The following DLGAP1 variants were observed in gnomAD, a reference collection of about 807,000 sequenced individuals.
The protein encoded by DLGAP1 is DLG associated protein 1, also known as disks large-associated protein 1.
A neutral mutation model predicts 90.8 loss-of-function variants in DLGAP1; 11 were observed. That is an observed-to-expected ratio of 0.12 (90% CI 0.08 to 0.20). DLGAP1 has a LOEUF of 0.20. DLGAP1 is among the 10% of genes least tolerant of loss of function. DLGAP1 has a pLI of 1.00. For synonymous variants in DLGAP1, 558 were observed against 540.7 expected (o/e 1.03, Z -0.44); for missense variants, 1,050 against 1,333.8 (o/e 0.79, Z 3.31).
At chr18:3,942,238 C>A (rs996241572) in intron 3 of DLGAP1, among the ~76,000 whole-genome samples, 2 of 152,164 alleles carry the variant, frequency 1.3e-5, no homozygotes, top group Non-Finnish European at 2.9e-5. Flanking sequence ...TGCATGTTTC[C>A]AGTATGTTCC....
rs1320801673 is a variant in DLGAP1 at position 3,600,715 on chromosome 18, G to C, written c.1592-18467C>G. On this transcript the variant is annotated intron_variant, in intron 7 of 12. Transcript: ENST00000315677. ...CTATATAGATATCTATAGCTATATA[G>C]ATATAGAGATATAGATATATATAGA... is the stretch of plus-strand genomic sequence containing the variant. Among the ~76,000 whole-genome samples, 4 of 64,434 alleles carry C rather than the reference G, an allele frequency of 6.2e-5. 1 individual carries two copies. The highest frequency in any genetic ancestry group is 1.1e-4 in the Non-Finnish European group (4 of 36,362). 42.3% of individuals were successfully genotyped at this position (64,434 alleles called of 152,430 possible).
chr18:4,432,484 A>T (rs1013661126), intron 1 of DLGAP1, among the ~76,000 whole-genome samples: 52 of 42,414 alleles, frequency 1.2e-3, no homozygotes, highest in Admixed American at 3.4e-3. Flanking sequence ...ATTGAAATAA[A>T]TTTTTTTAAA....
At chr18:3,661,640 G>A (rs189492734) in intron 7 of DLGAP1, among the ~76,000 whole-genome samples, 4 of 149,076 alleles carry the variant, frequency 2.7e-5, no homozygotes, top group South Asian at 2.1e-4. Flanking sequence ...GCAGTGGCAC[G>A]GCCTTGGCTC....
At chr18:3,864,827 G>A (rs1282007463) in intron 4 of DLGAP1, among the ~76,000 whole-genome samples, 1 of 152,134 alleles carries the variant, frequency 6.6e-6, no homozygotes, top group Non-Finnish European at 1.5e-5. Context: ...ACCTTGGATA[G>A]TATATGACTC....
At chr18:4,082,342 A>T (rs1237366349) in intron 2 of DLGAP1, among the ~76,000 whole-genome samples, 1 of 25,160 alleles carries the variant, frequency 4.0e-5, no homozygotes, top group Non-Finnish European at 1.1e-4. Flanking sequence ...ACTCCATCTC[A>T]AAAAAAAAAA....
chr18:3,848,109 T>C (rs1208709141), intron 4 of DLGAP1, among the ~76,000 whole-genome samples: 1 of 108,586 alleles, frequency 9.2e-6, no homozygotes, highest in African/African-American at 3.7e-5. Flanking sequence ...GCCTGGATGA[T>C]GGAGCAAGGC....
At chr18:3,670,028 G>C (rs190693759) in intron 7 of DLGAP1, among the ~76,000 whole-genome samples, 16 of 152,300 alleles carry the variant, frequency 1.1e-4, no homozygotes, top group Non-Finnish European at 1.6e-4. Flanking sequence ...GCCACATAGG[G>C]TGTGCGATGG....
intron 7 of DLGAP1, among the ~76,000 whole-genome samples, chr18:3,722,926 T>C (rs372743613): frequency 6.6e-6 from 1 of 152,304 alleles, no homozygotes; most frequent in East Asian, 1.9e-4. Context: ...AAATAATTTG[T>C]AGAGCCGGGC....
At chr18:3,860,098 C>CAAAAAAAAAAAAAAT (rs1169488386) in intron 4 of DLGAP1, among the ~76,000 whole-genome samples, 1 of 104,920 alleles carries the variant, frequency 9.5e-6, no homozygotes, top group African/African-American at 4.1e-5. Context: ...GACTCTGTCT[C>CAAAAAAAAAAAAAAT]AAAAAATAAA....
At chr18:3,614,941 A>C (rs1374389210) in intron 7 of DLGAP1, among the ~76,000 whole-genome samples, 1 of 151,556 alleles carries the variant, frequency 6.6e-6, no homozygotes, top group Non-Finnish European at 1.5e-5. Context: ...TTTATTTTTG[A>C]GATGGAGTCT....
rs1380842875 is a variant in DLGAP1, at chr18:3,660,005, C to T, written c.1591+69130G>A. ...TGTACTTGCGGCTCGCTCCCTCTTGCCTGCTGCCCTAAACTGCCCAATCTT... is the reference window on the plus strand; with the variant it reads ...TGTACTTGCGGCTCGCTCCCTCTTGTCTGCTGCCCTAAACTGCCCAATCTT... On this transcript the variant is annotated intron_variant, in intron 7 of 12. Coordinates refer to ENST00000315677, the MANE Select transcript of DLGAP1 (RefSeq NM_004746.4). The surrounding 1 kb of genome is among the most constrained non-coding windows in gnomAD (Gnocchi z 4.2). Among the ~76,000 whole-genome samples, 1 of 152,168 alleles carries T rather than the reference C, an allele frequency of 6.6e-6. No individual in the cohort carries two copies. The highest frequency in any genetic ancestry group is 1.9e-4 in the East Asian group (1 of 5,188).
chr18:4,149,553 G>T (rs984413097), intron 2 of DLGAP1, among the ~76,000 whole-genome samples: 6 of 152,126 alleles, frequency 3.9e-5, no homozygotes, highest in African/African-American at 1.4e-4. Context: ...TAACCCCCAG[G>T]TCATAGACCA....
intron 5 of DLGAP1, among the ~76,000 whole-genome samples, chr18:3,772,307 CTCCT>C (rs145426294): frequency 0.15 from 20,011 of 132,946 alleles, 3,068 homozygotes; most frequent in African/African-American, 0.36. Context: ...CTTTCTTTCT[CTCCT>C]TCCTTCCTTC....
intron 1 of DLGAP1, among the ~76,000 whole-genome samples, chr18:4,202,155 C>A (rs1424909121): frequency 6.6e-6 from 1 of 151,458 alleles, no homozygotes; most frequent in East Asian, 1.9e-4. Flanking sequence ...ACACACACAC[C>A]ATAGGATACT....
chr18:4,389,080 T>A (rs996684396), intron 1 of DLGAP1, among the ~76,000 whole-genome samples: 3 of 152,168 alleles, frequency 2.0e-5, no homozygotes, highest in African/African-American at 7.2e-5. Flanking sequence ...GTAGCACTAT[T>A]CACAATAACT....
intron 9 of DLGAP1, among the ~76,000 whole-genome samples, chr18:3,536,041 GAA>G (rs756177602): frequency 8.6e-5 from 13 of 151,762 alleles, no homozygotes; most frequent in African/African-American, 1.5e-4. Context: ...AGAAAGAAAA[GAA>G]AAGAAATGGG....
intron 4 of DLGAP1, among the ~76,000 whole-genome samples, chr18:3,842,532 T>C (rs2068775309): frequency 6.6e-6 from 1 of 151,464 alleles, no homozygotes; most frequent in Non-Finnish European, 1.5e-5. Context: ...GAGGTTTAAC[T>C]GGGATCGTGG....
chr18:3,649,462 A>T (rs1385103475), intron 7 of DLGAP1, among the ~76,000 whole-genome samples: 1 of 152,224 alleles, frequency 6.6e-6, no homozygotes, highest in African/African-American at 2.4e-5. Context: ...AACTCTCAGC[A>T]GTGTGCTACA....
chr18:4,234,136 G>A (rs1472573691), intron 1 of DLGAP1, among the ~76,000 whole-genome samples: 8 of 149,356 alleles, frequency 5.4e-5, no homozygotes, highest in Admixed American at 5.3e-4. Context: ...TTGGATGGAA[G>A]GTCAAATAGA....
Sources: allele counts gnomAD v4.1 joint callset (sites outside exome capture counted in the v4.1 genomes callset), GRCh38; gene constraint gnomAD v4.1.1; non-coding constraint Gnocchi (gnomAD v3.1); transcripts MANE v1.5; gene names NCBI Gene and HGNC (gene_info 2026-07-23, HGNC 2026-07-21).